The following PTPRF variants were observed in gnomAD, a reference collection of about 807,000 sequenced individuals.
The protein encoded by PTPRF is receptor-type tyrosine-protein phosphatase F.
A neutral mutation model predicts 201.8 loss-of-function variants in PTPRF; 59 were observed. That is an observed-to-expected ratio of 0.29 (90% CI 0.24 to 0.36). PTPRF has a LOEUF of 0.36. PTPRF is among the 10% of genes least tolerant of loss of function. PTPRF has a pLI of 1.00. For synonymous variants in PTPRF, 1,088 were observed against 1,089.7 expected, an observed-to-expected ratio of 1.00 and a Z score of 0.03; for missense variants, 2,132 against 2,690.5, an observed-to-expected ratio of 0.79 and a Z score of 4.59.
At chr1:43,548,380 G>T (rs551801687) in intron 3 of PTPRF, among the ~76,000 whole-genome samples, 2 of 152,170 alleles carry the variant, frequency 1.3e-5, no homozygotes, top group East Asian at 3.9e-4. Context: ...GGAGCTGGGA[G>T]TGTGTCTGTT....
At chr1:43,564,575 C>A (rs993401560) in intron 5 of PTPRF, among the ~76,000 whole-genome samples, 1 of 152,146 alleles carries the variant, frequency 6.6e-6, no homozygotes, top group Non-Finnish European at 1.5e-5. Context: ...TCTATTTTTA[C>A]ACCTGTCTGT....
At chr1:43,534,387 G>T (rs1220959323) in intron 1 of PTPRF, among the ~76,000 whole-genome samples, 1 of 152,192 alleles carries the variant, frequency 6.6e-6, no homozygotes, top group African/African-American at 2.4e-5. Context: ...GCCCAGTGGG[G>T]CAAGAGGGTG....
intron 7 of PTPRF, among the ~76,000 whole-genome samples, chr1:43,587,218 G>A (rs556702954): frequency 4.6e-5 from 7 of 152,292 alleles, no homozygotes; most frequent in Non-Finnish European, 7.4e-5. Context: ...AACAGGGAGT[G>A]GCATCAGATT....
intron 21 of PTPRF, among the ~76,000 whole-genome samples, chr1:43,608,037 G>T (rs1321677523): frequency 6.6e-6 from 1 of 152,240 alleles, no homozygotes; most frequent in Admixed American, 6.5e-5. Context: ...CCTGTATCCT[G>T]TGTGCCTACC....
At position 43,533,486 on chromosome 1, in the gene PTPRF, G is replaced by T. The variant is rs80080915; in HGVS notation, c.-126+2396G>T. Reference sequence around the variant, plus strand: ...GTCTAGCTTTGAGGGTCCTCCCTGGGGGCGGGGAGGAGGGGACCCAGACCT... The same window carrying T: ...GTCTAGCTTTGAGGGTCCTCCCTGGTGGCGGGGAGGAGGGGACCCAGACCT... On this transcript the variant is annotated intron_variant, in intron 1 of 33. Coordinates refer to ENST00000359947, the MANE Select transcript of PTPRF (RefSeq NM_002840.5). Among the ~76,000 whole-genome samples, 570 of 152,230 alleles carry T rather than the reference G, an allele frequency of 3.7e-3. 19 individuals carry two copies. In the East Asian group the frequency reaches 0.089, roughly 24 times the overall value.
At chr1:43,529,306 C>T (rs150408759), upstream of PTPRF, among the ~76,000 whole-genome samples, 329 of 152,280 alleles carry the variant, frequency 2.2e-3, 1 homozygote, top group African/African-American at 7.0e-3. Flanking sequence ...CGCCAGGGGG[C>T]GCACACGCAC....
chr1:43,566,444 G>A (rs72889033), intron 5 of PTPRF, among the ~76,000 whole-genome samples: 2,340 of 152,324 alleles, frequency 0.015, 62 homozygotes, highest in African/African-American at 0.054. Flanking sequence ...GATGGGTTTG[G>A]AGTGATCATG....
chr1:43,602,166 C>G, intron 14 of PTPRF, 69 bp downstream of exon 14: 1 of 1,531,984 alleles, frequency 6.5e-7, no homozygotes, highest in Non-Finnish European at 9.0e-7. Flanking sequence ...CTCCTCCTCT[C>G]CCTCCTTTCC....
At chr1:43,527,372 C>T (rs1226547374), upstream of PTPRF, among the ~76,000 whole-genome samples, 1 of 152,376 alleles carries the variant, frequency 6.6e-6, no homozygotes, top group South Asian at 2.1e-4. Flanking sequence ...GCAGCTATCA[C>T]GCTCTCCCAG....
chr1:43,621,071 C>T, intron 32 of PTPRF, 26 bp from the exon 33 acceptor site: 2 of 1,612,730 alleles, frequency 1.2e-6, no homozygotes, highest in Non-Finnish European at 1.7e-6. Context: ...AAGCAGGACT[C>T]CTGACCCAAC....
chr1:43,588,613 G>A lies in PTPRF; in HGVS notation c.680-118G>A. On this transcript the variant is annotated intron_variant, in intron 7 of 33. Transcript: ENST00000359947. This position sits in a 1 kb window ranked among gnomAD's most constrained non-coding sequence, Gnocchi z 5.3. Reference sequence around the variant, plus strand: ...GGGGTCTGGCGGTGCCACCCCTCCTGTCTCTGAGCATGGGTTTGGCTCTGA... The same window carrying A: ...GGGGTCTGGCGGTGCCACCCCTCCTATCTCTGAGCATGGGTTTGGCTCTGA... The A allele has an allele frequency of 7.4e-7, 1 of 1,357,966 alleles. No individual in the cohort carries two copies. Among genetic ancestry groups the A allele is most frequent in the African/African-American group, 1.5e-5 (1 of 68,778 alleles). 84.1% of individuals were successfully genotyped at this position (1,357,966 alleles called of 1,614,324 possible).
In PTPRF at chr1:43,603,202, T is replaced by A. The variant is rs534038896; in HGVS notation, c.2341-214T>A. 6.6e-6 allele frequency among the ~76,000 whole-genome samples: 1 copy of A among 152,254 alleles called. No homozygotes were observed. Among genetic ancestry groups the A allele is most frequent in the East Asian group, 1.9e-4 (1 of 5,180 alleles). ...AATAATGAGCTGTCTGCCCCAGGCG[T>A]GCGGCTCCTGGGATGGGCGGGGTCC... On this transcript the variant is annotated intron_variant, in intron 14 of 33. Transcript: ENST00000359947. This position sits in a 1 kb window ranked among gnomAD's most constrained non-coding sequence, Gnocchi z 5.8.
At chr1:43,540,966 TGCCAC>T (rs1326699058) in intron 2 of PTPRF, among the ~76,000 whole-genome samples, 1 of 152,256 alleles carries the variant, frequency 6.6e-6, no homozygotes, top group African/African-American at 2.4e-5. Flanking sequence ...GCTGCTGCAG[TGCCAC>T]GCGGTGAACT....
Position 43,621,149 on chromosome 1 carries a change from C to T in PTPRF, c.5572C>T (p.Arg1858Cys), listed in dbSNP as rs774364089. Residue 1858 changes from arginine (R) to cysteine (C), a missense_variant, in exon 33 of 34, where the codon CGC (arginine) becomes TGC (cysteine). By Grantham distance (180) the Arg-to-Cys change is radical. Coordinates refer to ENST00000359947, the MANE Select transcript of PTPRF (RefSeq NM_002840.5). ...VFITLSIVLE[R>C]MRYEGVVDMF... ...CATCACTCTGAGCATCGTCCTGGAG[C>T]GCATGCGCTACGAGGGCGTGGTCGA... The T allele has an allele frequency of 1.5e-5, 25 of 1,614,088 alleles. No individual in the cohort carries two copies. The highest frequency in any genetic ancestry group is 3.3e-5 in the Admixed American group (2 of 60,022).
At chr1:43,533,682 G>T (rs1037546111) in intron 1 of PTPRF, among the ~76,000 whole-genome samples, 2 of 152,162 alleles carry the variant, frequency 1.3e-5, no homozygotes, top group Non-Finnish European at 2.9e-5. Context: ...GGAACTGTGT[G>T]GCAGTGCATC....
At chr1:43,568,294 CAAA>C (rs61593463) in intron 5 of PTPRF, among the ~76,000 whole-genome samples, 6 of 90,090 alleles carry the variant, frequency 6.7e-5, no homozygotes, top group Admixed American at 1.2e-4. Context: ...GACTCCATCT[CAAA>C]AAAAAAAAAA....
intron 25 of PTPRF, 113 bp downstream of exon 25, chr1:43,618,024 C>G (rs920473647): frequency 1.8e-5 from 20 of 1,135,694 alleles, no homozygotes; most frequent in African/African-American, 4.7e-5. Flanking sequence ...CTCAAGTGAT[C>G]CCCAGATGCT....
chr1:43,621,788 C>T, intron 33 of PTPRF, 147 bp from the exon 34 acceptor site: 1 of 722,054 alleles, frequency 1.4e-6, no homozygotes, highest in Non-Finnish European at 2.4e-6. Context: ...TTCAGGCTCC[C>T]CCGCACACTG....
In PTPRF at chr1:43,556,145, A is replaced by C. The variant is rs141449586; in HGVS notation, c.379+2204A>C. On this transcript the variant is annotated intron_variant, in intron 5 of 33. Coordinates refer to ENST00000359947, the MANE Select transcript of PTPRF (RefSeq NM_002840.5). Reference sequence around the variant, plus strand: ...ATTTAATTTGCATTTCTTTGATTACAAGAACAGCTGCACATGTTTTCACAT... The same window carrying C: ...ATTTAATTTGCATTTCTTTGATTACCAGAACAGCTGCACATGTTTTCACAT... 2.0e-3 allele frequency among the ~76,000 whole-genome samples: 309 copies of C among 152,360 alleles called. 8 individuals carry two copies. Among genetic ancestry groups the C allele is most frequent in the Middle Eastern group, 3.4e-3 (1 of 294 alleles).
Sources: allele counts gnomAD v4.1 joint callset (sites outside exome capture counted in the v4.1 genomes callset), GRCh38; gene constraint gnomAD v4.1.1; non-coding constraint Gnocchi (gnomAD v3.1); transcripts MANE v1.5; gene names NCBI Gene and HGNC (gene_info 2026-07-23, HGNC 2026-07-21).